Variants in PREX1 observed in about 807,000 individuals in gnomAD.
PREX1 encodes phosphatidylinositol-3,4,5-trisphosphate dependent Rac exchange factor 1.
A neutral mutation model predicts 198.3 loss-of-function variants in PREX1; 41 were observed. The ratio of observed to expected loss-of-function variants is 0.21; its 90% CI spans 0.16 to 0.27. The LOEUF is 0.27. Ranked by LOEUF, PREX1 falls within the 10% of genes least tolerant of loss-of-function variation. The pLI is 1.00. For synonymous variants in PREX1, 843 were observed against 887.2 expected (o/e 0.95, Z 0.89); for missense variants, 1,620 against 2,200.7 (o/e 0.74, Z 5.28).
At chr20:48,887,729 G>A in the PREX1 span, among the ~76,000 whole-genome samples, 1 of 152,102 alleles carries the variant, frequency 6.6e-6, no homozygotes, top group Non-Finnish European at 1.5e-5. Context: ...GGCGGATCAC[G>A]ATGTCAAGAG....
intron 26 of PREX1, among the ~76,000 whole-genome samples, chr20:48,645,259 C>A (rs1277042800): frequency 6.6e-6 from 1 of 152,216 alleles, no homozygotes; most frequent in African/African-American, 2.4e-5. Flanking sequence ...TCCACTGTAA[C>A]CACCATGGGC....
At chr20:48,863,866 A>T in the PREX1 span, among the ~76,000 whole-genome samples, 1 of 152,180 alleles carries the variant, frequency 6.6e-6, no homozygotes, top group Admixed American at 6.6e-5. Flanking sequence ...TACAGGCATG[A>T]GCCACTGTGC....
At chr20:48,679,469 T>C in intron 12 of PREX1, 60 bp from the exon 13 acceptor site, 1 of 1,547,676 alleles carries the variant, frequency 6.5e-7, no homozygotes, top group South Asian at 1.1e-5. Context: ...AGCCTCCAAA[T>C]CCAGGCTGAT....
intron 35 of PREX1, 67 bp from the exon 36 acceptor site, chr20:48,630,861 T>C (rs2089308874): frequency 3.3e-6 from 4 of 1,228,268 alleles, no homozygotes; most frequent in South Asian, 1.2e-5. Flanking sequence ...CCTACCCAGG[T>C]CTCAACTCCT....
chr20:48,627,391 C>CA (rs1373520302), intron 39 of PREX1, among the ~76,000 whole-genome samples, 157 bp downstream of exon 39: 1 of 151,896 alleles, frequency 6.6e-6, no homozygotes, highest in Non-Finnish European at 1.5e-5. Context: ...TGGGAGGTGA[C>CA]AAAGTTGTGT....
chr20:48,839,772 C>T, the PREX1 span, among the ~76,000 whole-genome samples: 4 of 152,158 alleles, frequency 2.6e-5, no homozygotes, highest in African/African-American at 9.7e-5. Context: ...ATTTCTCCCA[C>T]ACATGCTCCT....
chr20:48,784,632 G>C (rs1352363470), intron 1 of PREX1, among the ~76,000 whole-genome samples: 1 of 152,178 alleles, frequency 6.6e-6, no homozygotes, highest in East Asian at 1.9e-4. Flanking sequence ...CTTCCCTAAA[G>C]AAGCCCCTTT....
At chr20:48,756,569 A>G (rs2090156651) in intron 1 of PREX1, among the ~76,000 whole-genome samples, 1 of 152,160 alleles carries the variant, frequency 6.6e-6, no homozygotes, top group African/African-American at 2.4e-5. Context: ...TATATAGTCC[A>G]CAGCACAAAC....
intron 31 of PREX1, among the ~76,000 whole-genome samples, chr20:48,637,248 C>T (rs146451624): frequency 1.3e-5 from 2 of 152,330 alleles, no homozygotes; most frequent in African/African-American, 2.4e-5. Flanking sequence ...TTCCAATGGC[C>T]GGCTTCTGGC....
At chr20:48,633,762 C>G (rs952719736) in intron 33 of PREX1, among the ~76,000 whole-genome samples, 2 of 152,216 alleles carry the variant, frequency 1.3e-5, no homozygotes, top group East Asian at 3.9e-4. Context: ...CCCCACCCCA[C>G]AAACCGATCA....
chr20:48,802,427 G>C (rs1021189439), intron 1 of PREX1, among the ~76,000 whole-genome samples: 11 of 152,038 alleles, frequency 7.2e-5, no homozygotes, highest in Non-Finnish European at 1.0e-4. Flanking sequence ...CCCTGCCTCG[G>C]GGCCTTTGCA....
chr20:48,720,331 T>A (rs1306282397), intron 5 of PREX1, among the ~76,000 whole-genome samples: 1 of 152,124 alleles, frequency 6.6e-6, no homozygotes, highest in Non-Finnish European at 1.5e-5. Context: ...TTTGTCACCA[T>A]CTCCCCCAAG....
rs533721995 is a variant in PREX1, at chr20:48,686,144, T to C, written c.1334+2513A>G. Among the ~76,000 whole-genome samples, 3 of 151,944 alleles carry C rather than the reference T, an allele frequency of 2.0e-5. No individual in the cohort carries two copies. In the East Asian group the frequency reaches 5.8e-4, roughly 30 times the overall value. On this transcript the variant is annotated intron_variant, in intron 10 of 39. Transcript: ENST00000371941. ...GGTAGTGGCAGTGACTGTTTCACGG[T>C]GTTGTGTGGGGATTAAAAGACATGG...
intron 1 of PREX1, among the ~76,000 whole-genome samples, chr20:48,755,623 C>T (rs754506847): frequency 1.3e-5 from 2 of 152,196 alleles, no homozygotes; most frequent in Admixed American, 6.5e-5. Context: ...GTAGAAGCCA[C>T]GTGTTGGGGA....
Position 48,625,944 on chromosome 20 carries a change from A to C in PREX1, c.4938-17T>G. On this transcript the variant is annotated splice_polypyrimidine_tract_variant and intron_variant, in intron 39 of 39. Coordinates refer to ENST00000371941, the MANE Select transcript of PREX1 (RefSeq NM_020820.4). ...CGGTAGAGGCTGGGGATGGAGGCAA[A>C]GAGAATGAGGAGAGGCCGGGGCGGG... 6.5e-7 allele frequency: 1 copy of C among 1,545,902 alleles called. No individual in the cohort carries two copies. The highest frequency in any genetic ancestry group is 8.7e-7 in the Non-Finnish European group (1 of 1,149,540).
chr20:48,676,452 C>A (rs1391995387), intron 13 of PREX1, among the ~76,000 whole-genome samples, 184 bp from the exon 14 acceptor site: 2 of 152,226 alleles, frequency 1.3e-5, no homozygotes, highest in Non-Finnish European at 2.9e-5. Context: ...GAGGGCAGGG[C>A]TGTTCCAAAC....
chr20:48,826,012 C>T, intron 1 of PREX1, among the ~76,000 whole-genome samples: 1 of 151,946 alleles, frequency 6.6e-6, no homozygotes, highest in Non-Finnish European at 1.5e-5. Flanking sequence ...GCCCCCAGTA[C>T]ATCTCCTTTC....
intron 1 of PREX1, among the ~76,000 whole-genome samples, chr20:48,826,976 T>G (rs1164162171): frequency 6.6e-6 from 1 of 152,140 alleles, no homozygotes; most frequent in Non-Finnish European, 1.5e-5. Flanking sequence ...ACATAGTAAG[T>G]GGTCGGTTGT....
At chr20:48,805,943 G>A (rs915169011) in intron 1 of PREX1, among the ~76,000 whole-genome samples, 1 of 152,204 alleles carries the variant, frequency 6.6e-6, no homozygotes, top group African/African-American at 2.4e-5. Flanking sequence ...CAGCGAACAT[G>A]TGCTGAGCTC....
Sources: gnomAD v4.1 joint callset for allele counts (sites outside exome capture counted in the v4.1 genomes callset) on GRCh38, gnomAD v4.1.1 for gene constraint, MANE v1.5 for transcripts, NCBI Gene and HGNC (gene_info 2026-07-23, HGNC 2026-07-21) for gene names.